COMMD10: variants seen among roughly 807,000 people sequenced by gnomAD.
COMMD10 encodes COMM domain-containing protein 10.
A neutral mutation model predicts 28.9 loss-of-function variants in COMMD10; 33 were observed. The observed-to-expected ratio is 1.14, with a 90% CI of 0.87 to 1.53. The LOEUF (loss-of-function observed/expected upper bound fraction) is 1.53. Among genes scored for constraint, COMMD10 ranks in the 40% most tolerant of loss-of-function variants. The pLI, the probability that COMMD10 is intolerant of heterozygous loss-of-function variation, is 0.00. For missense variants in COMMD10, 310 were observed against 233.4 expected, an observed-to-expected ratio of 1.33 and a Z score of -2.14; for synonymous variants, 110 against 81.7, an observed-to-expected ratio of 1.35 and a Z score of -1.87.
intron 1 of COMMD10, 113 bp downstream of exon 1, chr5:116,085,206 G>T (rs1750049259): frequency 9.7e-6 from 6 of 620,014 alleles, no homozygotes; most frequent in South Asian, 9.2e-5. Context: ...GCCCGGTTGA[G>T]TGGGGTGGGG....
chr5:116,085,310 A>G (rs1250413127), intron 1 of COMMD10: 2 of 566,436 alleles, frequency 3.5e-6, no homozygotes, highest in Non-Finnish European at 6.2e-6. Flanking sequence ...TGTGGGGCTC[A>G]CAGTGCGCCT....
Position 116,224,872 on chromosome 5 carries a change from G to T in COMMD10, c.511-66645G>T, listed in dbSNP as rs556385822. Among the ~76,000 whole-genome samples the T allele has an allele frequency of 6.6e-5, 10 of 152,262 alleles. No homozygotes were observed. In the East Asian group the frequency reaches 1.9e-3, roughly 29 times the overall value. The stretch of plus-strand genomic sequence containing the variant: ...GCTGATGAGTATTTGATAGTTCATG[G>T]TTCTGTGATAACATTTAGGCTTGTA... On this transcript the variant is annotated intron_variant, in intron 5 of 6. Coordinates refer to ENST00000274458, the MANE Select transcript of COMMD10 (RefSeq NM_016144.4).
chr5:116,154,668 A>G (rs1239685832), intron 5 of COMMD10, among the ~76,000 whole-genome samples: 1 of 151,502 alleles, frequency 6.6e-6, no homozygotes, highest in East Asian at 1.9e-4. Context: ...TACATAGGCC[A>G]CCTTTATTCA....
At position 116,154,787 on chromosome 5, in the gene COMMD10, A is replaced by AT. The variant is rs35133023; in HGVS notation, c.510+20622dup. ...ATTTTAAAGTGAGTGATAGCCCTTCATTTTTTTTTTTTTAATATACAGTGG... is the reference window on the plus strand; with the variant it reads ...ATTTTAAAGTGAGTGATAGCCCTTCATTTTTTTTTTTTTTAATATACAGTGG... On this transcript the variant is annotated intron_variant, in intron 5 of 6. Coordinates refer to ENST00000274458, the MANE Select transcript of COMMD10 (RefSeq NM_016144.4). 4.5e-3 allele frequency among the ~76,000 whole-genome samples: 677 copies of AT among 149,690 alleles called. 3 individuals carry two copies. Among genetic ancestry groups the AT allele is most frequent in the East Asian group, 0.011 (56 of 5,026 alleles).
chr5:116,185,658 C>T (rs192659301), intron 5 of COMMD10, among the ~76,000 whole-genome samples: 390 of 152,194 alleles, frequency 2.6e-3, no homozygotes, highest in Non-Finnish European at 4.4e-3. Flanking sequence ...GAGGGCATTT[C>T]TGGTGGAAAA....
rs184223323 is a variant in COMMD10 at position 116,103,016 on chromosome 5, C to T, written c.399+10316C>T. Among the ~76,000 whole-genome samples, 408 of 152,288 alleles carry T rather than the reference C, an allele frequency of 2.7e-3. 1 individual carries two copies. Among genetic ancestry groups the T allele is most frequent in the African/African-American group, 9.1e-3 (380 of 41,570 alleles). ...ATGAACTCATCCTTTTTTATGCCTG[C>T]ATAGTATTCCATGGTGTATATGTGC... On this transcript the variant is annotated intron_variant, in intron 4 of 6. Transcript: ENST00000274458.
chr5:116,161,803 G>A (rs1200453962), intron 5 of COMMD10, among the ~76,000 whole-genome samples: 2 of 152,082 alleles, frequency 1.3e-5, no homozygotes, highest in South Asian at 2.1e-4. Context: ...GAGAATAGAC[G>A]GAGGAGGTGG....
chr5:116,114,228 G>C (rs538615231), intron 4 of COMMD10, among the ~76,000 whole-genome samples: 1 of 152,098 alleles, frequency 6.6e-6, no homozygotes, highest in Non-Finnish European at 1.5e-5. Context: ...TGAGTTGGCA[G>C]TTCCATGCAG....
intron 5 of COMMD10, among the ~76,000 whole-genome samples, chr5:116,157,316 T>G (rs770372946): frequency 5.3e-4 from 81 of 152,330 alleles, no homozygotes; most frequent in Middle Eastern, 6.8e-3. Flanking sequence ...TGTAGTGGTT[T>G]AAAACAATAA....
At chr5:116,217,899 G>C (rs1342566436) in intron 5 of COMMD10, 48 of 626,436 alleles carry the variant, frequency 7.7e-5, no homozygotes. Flanking sequence ...TGTTCTGTGT[G>C]CTAACAGCAT....
At chr5:116,175,215 G>A (rs1753464265) in intron 5 of COMMD10, among the ~76,000 whole-genome samples, 1 of 151,062 alleles carries the variant, frequency 6.6e-6, no homozygotes, top group Non-Finnish European at 1.5e-5. Context: ...TTTTATTTTT[G>A]TGTCTGTATC....
At chr5:116,191,832 A>G (rs1448574288) in intron 5 of COMMD10, among the ~76,000 whole-genome samples, 1 of 152,010 alleles carries the variant, frequency 6.6e-6, no homozygotes, top group Admixed American at 6.6e-5. Context: ...CAGGAGGCCA[A>G]CCAGCACTAA....
At chr5:116,160,448 T>A (rs1243023302) in intron 5 of COMMD10, among the ~76,000 whole-genome samples, 2 of 152,198 alleles carry the variant, frequency 1.3e-5, no homozygotes, top group Non-Finnish European at 2.9e-5. Context: ...GAAGACAAGA[T>A]GCTCTTTTTA....
intron 5 of COMMD10, among the ~76,000 whole-genome samples, chr5:116,151,884 C>T (rs1409195870): frequency 6.6e-6 from 1 of 152,010 alleles, no homozygotes; most frequent in Non-Finnish European, 1.5e-5. Context: ...TTAGTTATTT[C>T]TTGCCTTCTG....
In COMMD10 at chr5:116,175,643, T is replaced by C. The variant is rs191083081; in HGVS notation, c.510+41465T>C. ...CCCAAGTATTTATTTGGCAGATGCA[T>C]GGATAAGCAAAATATGGTATATATA... On this transcript the variant is annotated intron_variant, in intron 5 of 6. Coordinates refer to ENST00000274458, the MANE Select transcript of COMMD10 (RefSeq NM_016144.4). Among the ~76,000 whole-genome samples, 306 of 152,194 alleles carry C rather than the reference T, an allele frequency of 2.0e-3. 2 individuals are homozygous for C. The highest frequency in any genetic ancestry group is 6.8e-3 in the Middle Eastern group (2 of 294).
chr5:116,208,996 T>C (rs1468443417), intron 5 of COMMD10, among the ~76,000 whole-genome samples: 2 of 152,278 alleles, frequency 1.3e-5, no homozygotes, highest in African/African-American at 2.4e-5. Flanking sequence ...TTTTGTTTTT[T>C]ATTTGCCAGA....
At chr5:116,108,915 A>AC (rs1193591098) in intron 4 of COMMD10, among the ~76,000 whole-genome samples, 17 of 152,080 alleles carry the variant, frequency 1.1e-4, no homozygotes, top group African/African-American at 3.9e-4. Flanking sequence ...TCCTCTCGGT[A>AC]CAGTCTCTTA....
At chr5:116,272,931 T>C (rs1750798789) in intron 5 of COMMD10, among the ~76,000 whole-genome samples, 1 of 151,924 alleles carries the variant, frequency 6.6e-6, no homozygotes, top group African/African-American at 2.4e-5. Flanking sequence ...TCTGTCACTG[T>C]GGGCTTCATC....
At chr5:116,206,366 G>C (rs904356946) in intron 5 of COMMD10, among the ~76,000 whole-genome samples, 5 of 152,012 alleles carry the variant, frequency 3.3e-5, no homozygotes, top group Non-Finnish European at 7.4e-5. Context: ...CATTGGAGAC[G>C]GTGGTCGGGC....
Sources: gnomAD v4.1 joint callset for allele counts (sites outside exome capture counted in the v4.1 genomes callset) on GRCh38, gnomAD v4.1.1 for gene constraint, MANE v1.5 for transcripts, NCBI Gene and HGNC (gene_info 2026-07-23, HGNC 2026-07-21) for gene names.